The following SUPT3H variants were observed in gnomAD, a reference collection of about 807,000 sequenced individuals.
SUPT3H encodes the protein transcription initiation protein SPT3 homolog.
In SUPT3H, 44 loss-of-function variants were observed where a neutral mutation model predicts 44.3. The observed-to-expected ratio is 0.99, with a 90% CI of 0.78 to 1.28. The LOEUF is 1.28. Ranked by LOEUF, SUPT3H falls within the 50% of genes most tolerant of loss-of-function variation. The probability of loss-of-function intolerance (pLI) is 0.00; values close to 1 mark genes in which losing one functional copy is unlikely to be tolerated. For synonymous variants in SUPT3H, 124 were observed against 125.6 expected (o/e 0.99, Z 0.09); for missense variants, 380 against 387.1 (o/e 0.98, Z 0.15).
chr6:44,987,511 A>G (rs74369041), intron 6 of SUPT3H, among the ~76,000 whole-genome samples: 1,662 of 152,208 alleles, frequency 0.011, 43 homozygotes, highest in African/African-American at 0.038. Context: ...GAATTGACCA[A>G]TGTATTTGGC....
At chr6:45,287,269 A>T (rs936575010) in intron 2 of SUPT3H, among the ~76,000 whole-genome samples, 35 of 102,854 alleles carry the variant, frequency 3.4e-4, no homozygotes, top group African/African-American at 2.3e-3. Context: ...AATAAAAAAT[A>T]TAAAAAATTA....
intron 2 of SUPT3H, among the ~76,000 whole-genome samples, chr6:45,281,541 G>A (rs1778077650): frequency 1.3e-5 from 2 of 152,126 alleles, no homozygotes; most frequent in African/African-American, 4.8e-5. Context: ...GCGAGGTTGG[G>A]GGAGGGGCGC....
intron 3 of SUPT3H, among the ~76,000 whole-genome samples, chr6:45,093,251 A>T (rs903430868): frequency 6.6e-6 from 1 of 152,164 alleles, no homozygotes; most frequent in Non-Finnish European, 1.5e-5. Context: ...AAATAGGATA[A>T]ATTCAAGCTA....
At chr6:45,149,276 C>T (rs923618073) in intron 2 of SUPT3H, among the ~76,000 whole-genome samples, 13 of 151,990 alleles carry the variant, frequency 8.6e-5, no homozygotes, top group Admixed American at 3.9e-4. Context: ...CTCATAAATG[C>T]CAACTTGTAG....
intron 9 of SUPT3H, among the ~76,000 whole-genome samples, chr6:44,937,719 T>C (rs980674362): frequency 1.3e-5 from 2 of 151,940 alleles, no homozygotes; most frequent in African/African-American, 4.8e-5. Flanking sequence ...GCCATCGGTA[T>C]GTCTTATTTT....
chr6:45,261,501 T>C (rs72858529), intron 2 of SUPT3H, among the ~76,000 whole-genome samples: 2,214 of 151,452 alleles, frequency 0.015, 25 homozygotes, highest in South Asian at 0.029. Flanking sequence ...TCTCCATAGA[T>C]GTAGAAAAGG....
At chr6:45,278,620 C>T (rs1036923220) in intron 2 of SUPT3H, among the ~76,000 whole-genome samples, 1 of 152,186 alleles carries the variant, frequency 6.6e-6, no homozygotes, top group African/African-American at 2.4e-5. Flanking sequence ...TACAAAGTCA[C>T]AGCTGTTACT....
intron 3 of SUPT3H, among the ~76,000 whole-genome samples, chr6:45,100,048 A>G (rs1798332630): frequency 1.3e-5 from 2 of 152,182 alleles, no homozygotes. Context: ...GCAGAAAAAT[A>G]AACTAGACCC....
At chr6:45,113,025 C>G (rs1800307212) in intron 2 of SUPT3H, among the ~76,000 whole-genome samples, 3 of 149,736 alleles carry the variant, frequency 2.0e-5, no homozygotes, top group African/African-American at 7.4e-5. Context: ...AGGTAATTGA[C>G]ATTACTTTAG....
chr6:45,106,077 A>G (rs1799228883), intron 2 of SUPT3H, 71 bp from the exon 3 acceptor site: 2 of 1,212,130 alleles, frequency 1.6e-6, no homozygotes, highest in South Asian at 1.2e-5. Flanking sequence ...TGAAACATTT[A>G]TTACATGAAT....
At chr6:45,070,080 A>G (rs1794138350) in intron 3 of SUPT3H, among the ~76,000 whole-genome samples, 1 of 152,178 alleles carries the variant, frequency 6.6e-6, no homozygotes, top group Non-Finnish European at 1.5e-5. Flanking sequence ...GACTTCTATC[A>G]GAGTCTGCTT....
chr6:45,302,084 G>C (rs1782213538), intron 2 of SUPT3H, among the ~76,000 whole-genome samples: 1 of 152,130 alleles, frequency 6.6e-6, no homozygotes. Context: ...TGCGTCAATT[G>C]TATGAGGGAA....
At chr6:45,316,493 ATC>A (rs1784726950) in intron 2 of SUPT3H, among the ~76,000 whole-genome samples, 1 of 152,176 alleles carries the variant, frequency 6.6e-6, no homozygotes, top group African/African-American at 2.4e-5. Flanking sequence ...AAGTTATATC[ATC>A]TCTGTTTGCA....
At chr6:45,254,035 A>T (rs547969177) in intron 2 of SUPT3H, among the ~76,000 whole-genome samples, 1 of 151,466 alleles carries the variant, frequency 6.6e-6, no homozygotes, top group Non-Finnish European at 1.5e-5. Flanking sequence ...CAACAAACAA[A>T]TTCTTTTGAA....
chr6:45,280,367 A>T (rs148306284), intron 2 of SUPT3H, among the ~76,000 whole-genome samples: 28 of 152,164 alleles, frequency 1.8e-4, no homozygotes, highest in African/African-American at 6.7e-4. Flanking sequence ...TTAGCCAGGA[A>T]ACATAGCACA....
intron 10 of SUPT3H, among the ~76,000 whole-genome samples, chr6:44,856,383 T>C (rs1379609981): frequency 6.6e-6 from 1 of 152,176 alleles, no homozygotes; most frequent in Non-Finnish European, 1.5e-5. Flanking sequence ...TAAAATATAA[T>C]TTCTTTTTCT....
intron 2 of SUPT3H, among the ~76,000 whole-genome samples, chr6:45,256,664 C>T (rs1156335918): frequency 1.3e-5 from 2 of 151,434 alleles, no homozygotes; most frequent in African/African-American, 4.8e-5. Context: ...GTATAAATTT[C>T]CCAATTATAG....
At chr6:45,140,067 G>A (rs950918212) in intron 2 of SUPT3H, among the ~76,000 whole-genome samples, 6 of 152,052 alleles carry the variant, frequency 3.9e-5, no homozygotes, top group Admixed American at 1.3e-4. Context: ...GAACTTCATG[G>A]GAGCTGGGTG....
rs150221718 is a variant in SUPT3H, at chr6:44,920,170, G to A, written c.912+12483C>T. On this transcript the variant is annotated intron_variant, in intron 10 of 10. Transcript: ENST00000371459. ...TGGGATTACAGGCATGAGTCACTGT[G>A]CCCAACCCACAATCACTTATATTTT... Among the ~76,000 whole-genome samples the A allele has an allele frequency of 5.4e-3, 825 of 152,016 alleles. 6 individuals are homozygous for A. Among genetic ancestry groups the A allele is most frequent in the Middle Eastern group, 0.01 (3 of 294 alleles).
Sources: gnomAD v4.1 joint callset for allele counts (sites outside exome capture counted in the v4.1 genomes callset) on GRCh38, gnomAD v4.1.1 for gene constraint, MANE v1.5 for transcripts, NCBI Gene and HGNC (gene_info 2026-07-23, HGNC 2026-07-21) for gene names.